The following CAPN2 variants were observed in gnomAD, a reference collection of about 807,000 sequenced individuals.
The protein encoded by CAPN2 is calpain-2 catalytic subunit.
Under a neutral mutation model 102.3 loss-of-function variants are expected in CAPN2, and 92 were observed. That is an observed-to-expected ratio of 0.90 (90% CI 0.76 to 1.07). The LOEUF (loss-of-function observed/expected upper bound fraction) is 1.07. CAPN2 is among the 50% of genes least tolerant of loss of function. The pLI, the probability that CAPN2 is intolerant of heterozygous loss-of-function variation, is 0.00. For missense variants in CAPN2, 800 were observed against 909.4 expected (o/e 0.88, Z 1.55); for synonymous variants, 340 against 355.4 (o/e 0.96, Z 0.49).
rs1330353005 is a variant in CAPN2, at chr1:223,774,802, C to T, written c.2080-32C>T. On this transcript the variant is annotated intron_variant, in intron 20 of 20. Transcript: ENST00000295006. The stretch of plus-strand genomic sequence containing the variant: ...TAGCCTTTAATTTTAAAAGTGGTCA[C>T]TGAGCTGACTTTTTTTTTTCCTTCC... The T allele has an allele frequency of 1.9e-6, 3 of 1,608,038 alleles. No homozygotes were observed. In the South Asian group the frequency reaches 3.3e-5, roughly 18 times the overall value.
chr1:223,773,693 C>T (rs1661541156), intron 20 of CAPN2, among the ~76,000 whole-genome samples: 1 of 151,106 alleles, frequency 6.6e-6, no homozygotes, highest in African/African-American at 2.4e-5. Context: ...AGCAAAACTG[C>T]ATCTAAAAAA....
chr1:223,741,172 G>A (rs547753393), intron 2 of CAPN2, among the ~76,000 whole-genome samples: 22 of 123,772 alleles, frequency 1.8e-4, no homozygotes, highest in Non-Finnish European at 3.2e-4. Flanking sequence ...CACTGAGAAC[G>A]CTTACACGAG....
rs528112535 is a variant in CAPN2 at position 223,775,756 on chromosome 1, A to G, written c.*899A>G. The G allele has an allele frequency of 6.5e-6, 1 of 152,776 alleles. No homozygotes were observed. Among genetic ancestry groups the G allele is most frequent in the African/African-American group, 2.4e-5 (1 of 41,586 alleles). 9.5% of individuals were successfully genotyped at this position (152,776 alleles called of 1,614,324 possible). A position where few individuals can be genotyped will look rare whatever the true frequency, so the allele number is the denominator to read the frequency against. On this transcript the variant is annotated 3_prime_UTR_variant, in exon 21 of 21. Transcript: ENST00000295006. ...CCTGGCTTTACCTTGGGAAAATGCTAGCAACATTATAGAAATTTTGCCTTG... is the reference window on the plus strand; with the variant it reads ...CCTGGCTTTACCTTGGGAAAATGCTGGCAACATTATAGAAATTTTGCCTTG...
chr1:223,733,176 G>A (rs1660372952), intron 2 of CAPN2, among the ~76,000 whole-genome samples: 2 of 151,990 alleles, frequency 1.3e-5, no homozygotes, highest in Admixed American at 1.3e-4. Context: ...GGTAGCTCAG[G>A]TGTGCCTCAG....
rs780790902 is a variant in CAPN2, at chr1:223,771,844, G to C, written c.1939G>C (p.Val647Leu). ...KMPCQLHQVI[V>L]ARFADDQLII... ...GCCCTGTCAACTCCACCAAGTCATC[G>C]TTGCTCGGTTTGCAGATGACCAGCT... Residue 647 changes from valine (V) to leucine (L), a missense_variant, in exon 19 of 21, where the codon GTT becomes CTT. Transcript: ENST00000295006. 7 of 1,614,042 alleles carry C rather than the reference G, an allele frequency of 4.3e-6. No individual in the cohort carries two copies. The highest frequency in any genetic ancestry group is 5.9e-6 in the Non-Finnish European group (7 of 1,179,914).
chr1:223,734,516 C>T (rs1044673209), intron 2 of CAPN2, among the ~76,000 whole-genome samples: 16 of 152,212 alleles, frequency 1.1e-4, no homozygotes, highest in Admixed American at 3.3e-4. Flanking sequence ...AGAAGAGTTT[C>T]GGAAGGCTCA....
intron 16 of CAPN2, 98 bp from the exon 17 acceptor site, chr1:223,769,743 T>C: frequency 1.2e-6 from 1 of 862,604 alleles, no homozygotes; most frequent in South Asian, 1.4e-5. Flanking sequence ...TCCTTGTGTA[T>C]ATGCTATGAT....
chr1:223,732,885 C>T lies in CAPN2; in HGVS notation c.308-11215C>T, dbSNP rs1194347539. Among the ~76,000 whole-genome samples, 4 of 152,292 alleles carry T rather than the reference C, an allele frequency of 2.6e-5. No homozygotes were observed. In the South Asian group the frequency reaches 8.3e-4, roughly 32 times the overall value. ...CCAGTTTTGGGGGTCTTATCTCCCT[C>T]TGGTATCTGGGCAGAGGTCAAGAAG... is the stretch of plus-strand genomic sequence containing the variant. On this transcript the variant is annotated intron_variant, in intron 2 of 20. Coordinates refer to ENST00000295006, the MANE Select transcript of CAPN2 (RefSeq NM_001748.5).
At position 223,770,505 on chromosome 1, in the gene CAPN2, G is replaced by A. The variant is rs148485450; in HGVS notation, c.1883G>A (p.Arg628Gln). The change falls in exon 18 of 21, where the codon CGG (arginine) becomes CAG (glutamine). Residue 628 changes from arginine to glutamine, a missense_variant. Arg to Gln is a conservative substitution (Grantham distance 43). Transcript: ENST00000295006. ...RSGTMNSYEMRKALEEAGFKM... is the reference protein window; with the variant it reads ...RSGTMNSYEMQKALEEAGFKM... ...GGTACCATGAATTCCTATGAAATGC[G>A]GAAGGCATTAGAAGAAGCAGGTAAC... 72 of 1,613,068 alleles carry A rather than the reference G, an allele frequency of 4.5e-5. No individual in the cohort carries two copies. The highest frequency in any genetic ancestry group is 1.1e-4 in the African/African-American group (8 of 74,824).
In CAPN2 at chr1:223,727,747, G is replaced by A. The variant is rs907229163; in HGVS notation, c.307+9916G>A. Among the ~76,000 whole-genome samples, 2 of 152,180 alleles carry A rather than the reference G, an allele frequency of 1.3e-5. No individual in the cohort carries two copies. Among genetic ancestry groups the A allele is most frequent in the Non-Finnish European group, 2.9e-5 (2 of 68,024 alleles). On this transcript the variant is annotated intron_variant, in intron 2 of 20. Transcript: ENST00000295006. The surrounding 1 kb of genome is among the most constrained non-coding windows in gnomAD (Gnocchi z 4.1). ...TCAGGGCAGCATTGCTGGGATATTT[G>A]AGCCTGTGGGAGGGGAGCTTCAAGC...
chr1:223,753,458 G>A (rs1265460758), intron 9 of CAPN2, among the ~76,000 whole-genome samples: 1 of 152,268 alleles, frequency 6.6e-6, no homozygotes, highest in African/African-American at 2.4e-5. Context: ...CCCAGATGGG[G>A]TGAAGATTTC....
chr1:223,766,398 C>T lies in CAPN2; in HGVS notation c.1722C>T (p.Ile574=), dbSNP rs778542593. The T allele has an allele frequency of 6.8e-6, 11 of 1,613,862 alleles. No homozygotes were observed. Among genetic ancestry groups the T allele is most frequent in the South Asian group, 1.1e-5 (1 of 91,080 alleles). Reference sequence around the variant, plus strand: ...ATATCAAGTCAGATGGCTTCAGCATCGAGACATGCAAAATTATGGTTGACA... The same window carrying T: ...ATATCAAGTCAGATGGCTTCAGCATTGAGACATGCAAAATTATGGTTGACA... The part of the protein sequence containing the change: ...RQDIKSDGFS[I]ETCKIMVDML... The change falls in exon 16 of 21, where the codon ATC becomes ATT. Residue 574 remains isoleucine, a synonymous_variant. Transcript: ENST00000295006.
At position 223,717,818 on chromosome 1, in the gene CAPN2, C is replaced by T. The variant is rs1351828441; in HGVS notation, c.294C>T (p.Cys98=). The change falls in exon 2 of 21, where the codon TGC becomes TGT. Residue 98 remains cysteine (C), a synonymous_variant. Coordinates refer to ENST00000295006, the MANE Select transcript of CAPN2 (RefSeq NM_001748.5). ...GAGGAGCCACCCGCACAGACATCTG[C>T]CAAGGAGCCCTGGGTAAGTGATAGA... ...IIGGATRTDI[C]QGALGDCWLL... 1.2e-6 allele frequency: 2 copies of T among 1,613,622 alleles called. No homozygotes were observed. Among genetic ancestry groups the T allele is most frequent in the East Asian group, 4.5e-5 (2 of 44,876 alleles).
chr1:223,762,314 T>TC, intron 14 of CAPN2, 63 bp downstream of exon 14: 1 of 1,308,176 alleles, frequency 7.6e-7, no homozygotes, highest in Non-Finnish European at 1.1e-6. Context: ...ACAGTGTGTG[T>TC]CCCCAAGGGG....
intron 6 of CAPN2, 137 bp downstream of exon 6, chr1:223,749,259 C>A (rs748220815): frequency 1.4e-6 from 1 of 718,744 alleles, no homozygotes; most frequent in South Asian, 1.8e-5. Context: ...TCCTGAAGTT[C>A]CGCGCGGGAG....
At chr1:223,769,771 G>A in intron 16 of CAPN2, 70 bp from the exon 17 acceptor site, 1 of 1,161,102 alleles carries the variant, frequency 8.6e-7, no homozygotes, top group East Asian at 2.5e-5. Context: ...AGATCCAGTT[G>A]AGAAGACAAA....
At chr1:223,739,591 GA>G (rs1387044945) in intron 2 of CAPN2, among the ~76,000 whole-genome samples, 1 of 152,144 alleles carries the variant, frequency 6.6e-6, no homozygotes, top group Non-Finnish European at 1.5e-5. Context: ...GCACTGTTCA[GA>G]CAGTCCTCTG....
At chr1:223,720,547 G>C (rs985740350) in intron 2 of CAPN2, among the ~76,000 whole-genome samples, 1 of 151,924 alleles carries the variant, frequency 6.6e-6, no homozygotes, top group African/African-American at 2.4e-5. Flanking sequence ...GAACTTCTGA[G>C]CTCAAGTGAT....
intron 2 of CAPN2, among the ~76,000 whole-genome samples, chr1:223,743,283 C>G (rs377001391): frequency 3.9e-5 from 6 of 152,336 alleles, no homozygotes; most frequent in Admixed American, 3.9e-4. Context: ...CCCCTCCGCA[C>G]AGAAACCCTT....
Sources: gnomAD v4.1 joint callset for allele counts (sites outside exome capture counted in the v4.1 genomes callset) on GRCh38, gnomAD v4.1.1 for gene constraint, Gnocchi (gnomAD v3.1) non-coding constraint, MANE v1.5 for transcripts, NCBI Gene and HGNC (gene_info 2026-07-23, HGNC 2026-07-21) for gene names.